The following ITIH5 variants were observed in gnomAD, a reference collection of about 807,000 sequenced individuals.
The protein encoded by ITIH5 is inter-alpha-trypsin inhibitor heavy chain 5.
Under a neutral mutation model 77.5 loss-of-function variants are expected in ITIH5, and 65 were observed. The observed-to-expected ratio is 0.84, with a 90% CI of 0.69 to 1.03. ITIH5 has a LOEUF of 1.03. ITIH5 is among the 50% of genes least tolerant of loss of function. The pLI, the probability that ITIH5 is intolerant of heterozygous loss-of-function variation, is 0.00. For missense variants in ITIH5, 1,208 were observed against 1,213.1 expected (o/e 1.00, Z 0.06); for synonymous variants, 525 against 494.3 (o/e 1.06, Z -0.82).
At chr10:7,574,519 C>T (rs1328152486) in intron 10 of ITIH5, among the ~76,000 whole-genome samples, 6 of 152,092 alleles carry the variant, frequency 3.9e-5, no homozygotes, top group African/African-American at 7.2e-5. Flanking sequence ...ACCGGCCGGG[C>T]GCAGTGGCTC....
intron 7 of ITIH5, among the ~76,000 whole-genome samples, chr10:7,596,091 G>A (rs1832889641): frequency 6.6e-6 from 1 of 152,198 alleles, no homozygotes; most frequent in Admixed American, 6.5e-5. Context: ...CAATGGTCTT[G>A]CTTGTTCTAG....
intron 5 of ITIH5, among the ~76,000 whole-genome samples, chr10:7,629,972 G>A (rs562762532): frequency 4.0e-4 from 61 of 152,244 alleles, no homozygotes; most frequent in Non-Finnish European, 6.8e-4. Context: ...GAATGTATTG[G>A]GGGGGCTACG....
At chr10:7,609,038 C>T (rs1166807202) in intron 7 of ITIH5, among the ~76,000 whole-genome samples, 3 of 152,192 alleles carry the variant, frequency 2.0e-5, no homozygotes, top group African/African-American at 7.2e-5. Flanking sequence ...TGTGACGTTA[C>T]AGAGAAGTGG....
chr10:7,618,851 T>C (rs1192300102), intron 5 of ITIH5: 1 of 152,188 alleles, frequency 6.6e-6, no homozygotes, highest in African/African-American at 2.4e-5. Context: ...AACATTTCCT[T>C]TAACAAAATA....
intron 7 of ITIH5, among the ~76,000 whole-genome samples, chr10:7,613,128 T>C (rs552833928): frequency 2.0e-4 from 31 of 151,940 alleles, no homozygotes; most frequent in Non-Finnish European, 4.0e-4. Flanking sequence ...ACCTGTAATC[T>C]CAGCTACTTG....
chr10:7,605,264 C>G (rs956464223), intron 7 of ITIH5, among the ~76,000 whole-genome samples: 1 of 151,486 alleles, frequency 6.6e-6, no homozygotes, highest in Non-Finnish European at 1.5e-5. Flanking sequence ...ATCCAATCCC[C>G]CTCTTCTCAT....
chr10:7,609,106 T>C (rs1272380739), intron 7 of ITIH5, among the ~76,000 whole-genome samples: 1 of 152,234 alleles, frequency 6.6e-6, no homozygotes, highest in Non-Finnish European at 1.5e-5. Flanking sequence ...ACTTTGTGTA[T>C]TTCAGCATAA....
intron 5 of ITIH5, among the ~76,000 whole-genome samples, chr10:7,630,028 C>T (rs903399070): frequency 6.6e-6 from 1 of 152,186 alleles, no homozygotes; most frequent in African/African-American, 2.4e-5. Context: ...ATATTAAAAA[C>T]TTAAACGTCT....
At chr10:7,624,200 T>A (rs996549571) in intron 5 of ITIH5, among the ~76,000 whole-genome samples, 1 of 152,174 alleles carries the variant, frequency 6.6e-6, no homozygotes, top group Non-Finnish European at 1.5e-5. Context: ...TTTCTAAAAG[T>A]TAACCCTTAA....
intron 5 of ITIH5, among the ~76,000 whole-genome samples, chr10:7,633,626 TAGTA>T (rs947020735): frequency 1.3e-5 from 2 of 152,070 alleles, no homozygotes; most frequent in African/African-American, 4.8e-5. Flanking sequence ...ACCTCTGTTT[TAGTA>T]AGTAAGGTTT....
At chr10:7,632,174 A>G (rs1833723882) in intron 5 of ITIH5, among the ~76,000 whole-genome samples, 1 of 152,198 alleles carries the variant, frequency 6.6e-6, no homozygotes, top group African/African-American at 2.4e-5. Context: ...GTCTGCTGGA[A>G]AATCCAAGGG....
Position 7,663,285 on chromosome 10 carries a change from G to C in ITIH5, c.90+3518C>G, listed in dbSNP as rs995765273. Among the ~76,000 whole-genome samples the C allele has an allele frequency of 2.0e-5, 3 of 152,200 alleles. No individual in the cohort carries two copies. The East Asian group carries it at 5.8e-4, about 29-fold the overall frequency. On this transcript the variant is annotated intron_variant, in intron 1 of 13. Transcript: ENST00000397146. The stretch of plus-strand genomic sequence containing the variant: ...AGTACATTGAGACATTACAGCGGTA[G>C]TCAGAGACTTAACTAGGCTGTGCAT...
At position 7,590,485 on chromosome 10, in the gene ITIH5, C is replaced by T. The variant is rs760203044; in HGVS notation, c.940-4416G>A. On this transcript the variant is annotated intron_variant, in intron 7 of 13. Coordinates refer to ENST00000397146, the MANE Select transcript of ITIH5 (RefSeq NM_030569.7). ...CCACACACCACTTCAGAAACATCCCCGGCTGTGTGCGTGTGCACGTGTGAT... is the reference window on the plus strand; with the variant it reads ...CCACACACCACTTCAGAAACATCCCTGGCTGTGTGCGTGTGCACGTGTGAT... Among the ~76,000 whole-genome samples, 33 of 152,242 alleles carry T rather than the reference C, an allele frequency of 2.2e-4. 1 individual carries two copies. Among genetic ancestry groups the T allele is most frequent in the Non-Finnish European group, 3.4e-4 (23 of 68,046 alleles).
At chr10:7,596,650 T>C (rs80208357) in intron 7 of ITIH5, among the ~76,000 whole-genome samples, 1 of 152,282 alleles carries the variant, frequency 6.6e-6, no homozygotes, top group East Asian at 1.9e-4. Context: ...TGCCTCAGTC[T>C]AAAATGTTCA....
At chr10:7,644,824 A>G (rs1416721593) in intron 2 of ITIH5, among the ~76,000 whole-genome samples, 4 of 101,180 alleles carry the variant, frequency 4.0e-5, no homozygotes, top group African/African-American at 1.2e-4. Flanking sequence ...TATATCATAT[A>G]TATCACATAT....
At chr10:7,563,713 A>ATC (rs1384242337) in intron 13 of ITIH5, among the ~76,000 whole-genome samples, 1 of 152,236 alleles carries the variant, frequency 6.6e-6, no homozygotes, top group Non-Finnish European at 1.5e-5. Context: ...GTAGTGTTCC[A>ATC]TCTTCTCTCT....
At chr10:7,645,685 A>C (rs1833999376) in intron 2 of ITIH5, among the ~76,000 whole-genome samples, 1 of 152,260 alleles carries the variant, frequency 6.6e-6, no homozygotes, top group Non-Finnish European at 1.5e-5. Flanking sequence ...TGAATTGAGA[A>C]GCTGTATTAT....
At chr10:7,614,449 C>A (rs1294232413) in intron 7 of ITIH5, among the ~76,000 whole-genome samples, 1 of 152,184 alleles carries the variant, frequency 6.6e-6, no homozygotes, top group Non-Finnish European at 1.5e-5. Flanking sequence ...ATTTCATAAA[C>A]TTTCTTAAAA....
At chr10:7,649,680 C>T (rs1378095200) in intron 2 of ITIH5, among the ~76,000 whole-genome samples, 1 of 152,122 alleles carries the variant, frequency 6.6e-6, no homozygotes, top group Non-Finnish European at 1.5e-5. Flanking sequence ...ACAGAAAGAA[C>T]ACTCTAAGAA....
Sources: gnomAD v4.1 joint callset for allele counts (sites outside exome capture counted in the v4.1 genomes callset) on GRCh38, gnomAD v4.1.1 for gene constraint, MANE v1.5 for transcripts, NCBI Gene and HGNC (gene_info 2026-07-23, HGNC 2026-07-21) for gene names.